The following SLC6A7 variants were observed in gnomAD, a reference collection of about 807,000 sequenced individuals.
The protein encoded by SLC6A7 is sodium-dependent proline transporter.
SLC6A7 carries 58 observed loss-of-function variants against 73.1 expected under a neutral mutation model. The observed-to-expected ratio is 0.79, with a 90% CI of 0.64 to 0.99. The LOEUF is 0.99. Ranked by LOEUF, SLC6A7 falls within the 50% of genes least tolerant of loss-of-function variation. SLC6A7 has a pLI of 0.00. For synonymous variants in SLC6A7, 338 were observed against 338.7 expected, an observed-to-expected ratio of 1.00 and a Z score of 0.02; for missense variants, 783 against 831.4, an observed-to-expected ratio of 0.94 and a Z score of 0.72.
Position 150,204,597 on chromosome 5 carries a change from T to A in SLC6A7, c.1398T>A (p.Val466=). Residue 466 remains valine, a synonymous_variant, in exon 11 of 14, where the codon GTT becomes GTA. Transcript: ENST00000230671. The stretch of plus-strand genomic sequence containing the variant: ...CCAGCTTCGGGCTGATGGTGGTGGT[T>A]ATCACCACGTGCCTTGCCGTGACAC... ...YSASFGLMVV[V]ITTCLAVTRV... 1 of 1,613,226 alleles carries A rather than the reference T, an allele frequency of 6.2e-7. No individual in the cohort carries two copies. Among genetic ancestry groups the A allele is most frequent in the Admixed American group, 1.7e-5 (1 of 60,030 alleles).
chr5:150,204,719 G>A, intron 11 of SLC6A7, 88 bp downstream of exon 11: 1 of 1,353,492 alleles, frequency 7.4e-7, no homozygotes, highest in Non-Finnish European at 1.1e-6. Flanking sequence ...CTGGGTCCCT[G>A]GTCCCAAGGG....
chr5:150,204,153 G>A (rs1292763622), intron 10 of SLC6A7, 115 bp downstream of exon 10: 4 of 1,066,426 alleles, frequency 3.8e-6, no homozygotes, highest in Admixed American at 4.8e-5. Context: ...CTCTTTGCAA[G>A]GAACCCAGTC....
Sources: gnomAD v4.1 joint callset for allele counts on GRCh38, gnomAD v4.1.1 for gene constraint, MANE v1.5 for transcripts, NCBI Gene and HGNC (gene_info 2026-07-23, HGNC 2026-07-21) for gene names.